The following DHRS4 variants were observed in gnomAD, a reference collection of about 807,000 sequenced individuals.
The protein encoded by DHRS4 is dehydrogenase/reductase 4, also known as dehydrogenase/reductase SDR family member 4.
DHRS4 carries 20 observed loss-of-function variants against 28.4 expected under a neutral mutation model. The ratio of observed to expected loss-of-function variants is 0.71; its 90% CI spans 0.50 to 1.02. The LOEUF is 1.02. Ranked by LOEUF, DHRS4 falls within the 50% of genes least tolerant of loss-of-function variation. The pLI is 0.00. For synonymous variants in DHRS4, 144 were observed against 146.4 expected, an observed-to-expected ratio of 0.98 and a Z score of 0.12; for missense variants, 378 against 367.2, an observed-to-expected ratio of 1.03 and a Z score of -0.24.
At chr14:23,962,588 T>C (rs1247255347) in intron 3 of DHRS4, among the ~76,000 whole-genome samples, 2 of 151,844 alleles carry the variant, frequency 1.3e-5, no homozygotes, top group Non-Finnish European at 2.9e-5. Flanking sequence ...CCAGCTCCGC[T>C]TCTAGTTCTC....
intron 2 of DHRS4, among the ~76,000 whole-genome samples, chr14:23,959,214 G>A (rs1260447776): frequency 6.6e-6 from 1 of 152,182 alleles, no homozygotes; most frequent in African/African-American, 2.4e-5. Context: ...GAAGTGTAAA[G>A]AAAAGAGCGT....
intron 3 of DHRS4, among the ~76,000 whole-genome samples, chr14:23,961,670 C>A (rs1483557912): frequency 9.3e-6 from 1 of 107,502 alleles, no homozygotes; most frequent in Non-Finnish European, 1.8e-5. Flanking sequence ...AGGCATGTGC[C>A]ATCATGCCTG....
At chr14:23,963,946 G>A (rs2033511976) in intron 3 of DHRS4, among the ~76,000 whole-genome samples, 1 of 151,160 alleles carries the variant, frequency 6.6e-6, no homozygotes, top group Admixed American at 6.6e-5. Flanking sequence ...CCACAGAGAG[G>A]GAGAGAGATG....
intron 6 of DHRS4, among the ~76,000 whole-genome samples, 177 bp downstream of exon 6, chr14:23,966,594 C>G (rs1566477729): frequency 6.6e-6 from 1 of 151,842 alleles, no homozygotes; most frequent in Non-Finnish European, 1.5e-5. Context: ...CTTATCACAC[C>G]TTTTCTGAGG....
chr14:23,954,902 T>G (rs561117787), intron 1 of DHRS4, 133 bp from the exon 2 acceptor site: 4 of 1,452,476 alleles, frequency 2.8e-6, no homozygotes, highest in African/African-American at 2.9e-5. Flanking sequence ...GTTTTACACA[T>G]AGTAGGCACA....
rs200717541 is a variant in DHRS4 at position 23,959,939 on chromosome 14, C to G, written c.344C>G (p.Ser115Cys). The part of the protein sequence containing the change: ...KLHGGIDILV[S>C]NAAVNPFFGS... ...CATGGAGGTATCGATATCCTAGTCTCCAATGCTGCTGTCAACCCTTTCTTT... is the reference window on the plus strand; with the variant it reads ...CATGGAGGTATCGATATCCTAGTCTGCAATGCTGCTGTCAACCCTTTCTTT... The change falls in exon 3 of 8, where the codon TCC becomes TGC. Residue 115 changes from serine (S) to cysteine (C), a missense_variant. Transcript: ENST00000313250. 1.9e-6 allele frequency: 3 copies of G among 1,612,074 alleles called. No individual in the cohort carries two copies. Among genetic ancestry groups the G allele is most frequent in the Non-Finnish European group, 2.5e-6 (3 of 1,179,950 alleles).
At chr14:23,957,606 C>G (rs1042573203) in intron 2 of DHRS4, among the ~76,000 whole-genome samples, 2 of 149,924 alleles carry the variant, frequency 1.3e-5, no homozygotes, top group African/African-American at 5.0e-5. Flanking sequence ...GCCCAGGCTG[C>G]AGTGCAGTGA....
chr14:23,967,378 T>G, intron 7 of DHRS4, 112 bp downstream of exon 7: 1 of 1,331,810 alleles, frequency 7.5e-7, no homozygotes, highest in South Asian at 1.3e-5. Flanking sequence ...GCAGGCTCTC[T>G]TCTGCCTCAC....
intron 1 of DHRS4, among the ~76,000 whole-genome samples, chr14:23,954,666 G>C (rs148181627): frequency 1.4e-4 from 22 of 152,340 alleles, no homozygotes; most frequent in South Asian, 4.1e-4. Flanking sequence ...GAGTAAGAAA[G>C]AAACCTGGGG....
At chr14:23,965,627 A>G in intron 3 of DHRS4, 135 bp from the exon 4 acceptor site, 1 of 743,892 alleles carries the variant, frequency 1.3e-6, no homozygotes, top group East Asian at 2.8e-5. Flanking sequence ...TTCATGTGTA[A>G]GATGCAGGTA....
intron 2 of DHRS4, among the ~76,000 whole-genome samples, chr14:23,955,430 G>GTACCAGAAA (rs2033096692): frequency 6.6e-6 from 1 of 152,082 alleles, no homozygotes; most frequent in East Asian, 1.9e-4. Flanking sequence ...CAAAGAAACA[G>GTACCAGAAA]CTGGTACTGG....
chr14:23,966,921 C>T (rs71405820), intron 6 of DHRS4, among the ~76,000 whole-genome samples: 549 of 152,278 alleles, frequency 3.6e-3, no homozygotes, highest in Middle Eastern at 0.017. Context: ...ATTGGGAGGC[C>T]GAGGCGGGCA....
Position 23,965,889 on chromosome 14 carries a change from C to G in DHRS4, c.480-43C>G, listed in dbSNP as rs11844693. The G allele has an allele frequency of 2.8e-3, 4,534 of 1,606,138 alleles. 414 individuals carry two copies. The African/African-American group carries it at 0.053, about 19-fold the overall frequency. On this transcript the variant is annotated intron_variant, in intron 4 of 7. Coordinates refer to ENST00000313250, the MANE Select transcript of DHRS4 (RefSeq NM_021004.4). ...GGGGACACCACACGGGCTGAGGGCA[C>G]TGGTCCACAATGGGAAGATGGTCAG... is the stretch of plus-strand genomic sequence containing the variant.
chr14:23,957,735 T>G (rs946600509), intron 2 of DHRS4, among the ~76,000 whole-genome samples: 1 of 148,610 alleles, frequency 6.7e-6, no homozygotes, highest in African/African-American at 2.5e-5. Flanking sequence ...TTTTAAATTT[T>G]TTGTAGAGTT....
rs72488278 is a variant in DHRS4 at position 23,964,889 on chromosome 14, T to G, written c.409-873T>G. 3.8e-4 allele frequency among the ~76,000 whole-genome samples: 57 copies of G among 151,524 alleles called. No individual in the cohort carries two copies. In the East Asian group the frequency reaches 9.3e-3, roughly 25 times the overall value. On this transcript the variant is annotated intron_variant, in intron 3 of 7. Transcript: ENST00000313250. The stretch of plus-strand genomic sequence containing the variant: ...ACCATGCCCAGCCCTGAGTTTGTTT[T>G]TTTTTTTTAATTTACATTTTTTTAT...
chr14:23,966,391 C>T lies in DHRS4; in HGVS notation c.640C>T (p.Leu214Phe), dbSNP rs772834872. 5.0e-6 allele frequency: 8 copies of T among 1,613,984 alleles called. No individual in the cohort carries two copies. Among genetic ancestry groups the T allele is most frequent in the Non-Finnish European group, 6.8e-6 (8 of 1,180,006 alleles). ...NIRVNCLAPG[L>F]IKTSFSRMLW... ...TAGGGTGAACTGCCTAGCACCTGGA[C>T]TTATCAAGACTAGCTTCAGCAGGAT... is the stretch of plus-strand genomic sequence containing the variant. Residue 214 changes from leucine to phenylalanine, a missense_variant, in exon 6 of 8, where the codon CTT becomes TTT. Leu to Phe is a conservative substitution (Grantham distance 22). Transcript: ENST00000313250.
intron 1 of DHRS4, chr14:23,954,340 C>T (rs2138422279): frequency 5.6e-6 from 1 of 179,448 alleles, no homozygotes; most frequent in South Asian, 1.2e-4. Context: ...CCCGGAACCC[C>T]TCCCCCTTAC....
At chr14:23,962,498 C>G (rs371815374) in intron 3 of DHRS4, among the ~76,000 whole-genome samples, 1 of 151,862 alleles carries the variant, frequency 6.6e-6, no homozygotes, top group Admixed American at 6.6e-5. Flanking sequence ...CAAGAAACCA[C>G]TTTCTTTGCT....
intron 2 of DHRS4, among the ~76,000 whole-genome samples, chr14:23,957,020 T>C (rs2033204590): frequency 6.6e-6 from 1 of 152,156 alleles, no homozygotes; most frequent in African/African-American, 2.4e-5. Flanking sequence ...AAGAGAAAGA[T>C]GGTTATTAGG....
Sources: allele counts gnomAD v4.1 joint callset (sites outside exome capture counted in the v4.1 genomes callset), GRCh38; gene constraint gnomAD v4.1.1; transcripts MANE v1.5; gene names NCBI Gene and HGNC (gene_info 2026-07-23, HGNC 2026-07-21).